COL13A1: variants seen among roughly 807,000 people sequenced by gnomAD.
COL13A1 encodes collagen type XIII alpha 1 chain.
A neutral mutation model predicts 130.9 loss-of-function variants in COL13A1; 89 were observed. The observed-to-expected ratio is 0.68, with a 90% CI of 0.57 to 0.81. The LOEUF (loss-of-function observed/expected upper bound fraction) is 0.81. COL13A1 is among the 30% of genes least tolerant of loss of function. The pLI is 0.00. For synonymous variants in COL13A1, 402 were observed against 341.6 expected (o/e 1.18, Z -1.95); for missense variants, 879 against 934.6 (o/e 0.94, Z 0.78).
At chr10:69,870,712 A>G (rs1388844015) in intron 3 of COL13A1, among the ~76,000 whole-genome samples, 1 of 152,152 alleles carries the variant, frequency 6.6e-6, no homozygotes, top group African/African-American at 2.4e-5. Flanking sequence ...TTGACAAGCT[A>G]CATAAGGAAA....
chr10:69,833,783 G>C (rs2133019610), intron 2 of COL13A1, among the ~76,000 whole-genome samples: 1 of 152,306 alleles, frequency 6.6e-6, no homozygotes, highest in South Asian at 2.1e-4. Context: ...ACCCCACTCT[G>C]GGAAATGAGG....
intron 2 of COL13A1, among the ~76,000 whole-genome samples, chr10:69,866,802 G>C (rs372421095): frequency 6.6e-6 from 1 of 152,136 alleles, no homozygotes; most frequent in East Asian, 1.9e-4. Context: ...GAAGGAAGCC[G>C]GCTCTGGGAA....
At chr10:69,863,048 G>A (rs950933102) in intron 2 of COL13A1, among the ~76,000 whole-genome samples, 4 of 152,214 alleles carry the variant, frequency 2.6e-5, no homozygotes, top group Non-Finnish European at 5.9e-5. Context: ...AAGGGCGTGC[G>A]TCCTAGGGAC....
chr10:69,816,898 C>T (rs1398895482), intron 1 of COL13A1, among the ~76,000 whole-genome samples: 1 of 152,170 alleles, frequency 6.6e-6, no homozygotes, highest in Non-Finnish European at 1.5e-5. Flanking sequence ...GATTGTCATC[C>T]AGGAGTTTTT....
intron 9 of COL13A1, 69 bp downstream of exon 9, chr10:69,888,399 T>C (rs2134563046): frequency 6.4e-7 from 1 of 1,564,772 alleles, no homozygotes; most frequent in Non-Finnish European, 8.7e-7. Flanking sequence ...TTCTGCAAGA[T>C]ATTGAATCCT....
At chr10:69,860,956 G>A (rs1857886003) in intron 2 of COL13A1, among the ~76,000 whole-genome samples, 1 of 152,224 alleles carries the variant, frequency 6.6e-6, no homozygotes, top group African/African-American at 2.4e-5. Flanking sequence ...TCGGGAAGGA[G>A]AGGAGGCTGG....
At chr10:69,849,450 C>T in intron 2 of COL13A1, among the ~76,000 whole-genome samples, 1 of 152,264 alleles carries the variant, frequency 6.6e-6, no homozygotes, top group East Asian at 1.9e-4. Context: ...CCCCTCTGCT[C>T]TGTCTCTGGG....
intron 9 of COL13A1, 85 bp from the exon 10 acceptor site, chr10:69,889,314 CAGGGAGGAGCACAGG>C: frequency 7.0e-6 from 6 of 853,228 alleles, no homozygotes; most frequent in Non-Finnish European, 9.3e-6. Context: ...GCACGGGGGG[CAGGGAGGAGCACAGG>C]GGGCAGGGAG....
At chr10:69,904,555 C>T (rs1263936379) in intron 15 of COL13A1, among the ~76,000 whole-genome samples, 1 of 152,180 alleles carries the variant, frequency 6.6e-6, no homozygotes, top group Admixed American at 6.5e-5. Flanking sequence ...AGGGCAAAAC[C>T]GAGGCTTTGC....
chr10:69,880,700 G>A, intron 7 of COL13A1, 147 bp downstream of exon 7: 1 of 774,224 alleles, frequency 1.3e-6, no homozygotes, highest in East Asian at 2.7e-5. Context: ...GCCCAGCCAG[G>A]CCTCGGGTGC....
At chr10:69,905,646 G>A (rs2062673563) in intron 16 of COL13A1, 141 bp from the exon 17 acceptor site, 2 of 863,856 alleles carry the variant, frequency 2.3e-6, no homozygotes, top group East Asian at 2.7e-5. Flanking sequence ...TTGCTCCTGG[G>A]AAGGCTGGAG....
chr10:69,802,552 G>C lies in COL13A1; in HGVS notation c.129G>C (p.Gly43=). 1 of 1,609,220 alleles carries C rather than the reference G, an allele frequency of 6.2e-7. No homozygotes were observed. The highest frequency in any genetic ancestry group is 8.5e-7 in the Non-Finnish European group (1 of 1,177,956). The change falls in exon 1 of 41, where the codon GGG becomes GGC. Residue 43 remains glycine, a synonymous_variant. Coordinates refer to ENST00000645393, the MANE Select transcript of COL13A1 (RefSeq NM_001368882.1). The part of the protein sequence containing the change: ...AERGARLPSP[G]SCGLLTLALC... The stretch of plus-strand genomic sequence containing the variant: ...GCGGCGCACGGCTGCCGAGTCCAGG[G>C]TCGTGCGGGCTGCTGACGCTGGCCC...
intron 30 of COL13A1, among the ~76,000 whole-genome samples, chr10:69,931,803 C>G (rs537223283): frequency 6.6e-6 from 1 of 152,320 alleles, no homozygotes; most frequent in South Asian, 2.1e-4. Context: ...GCAAACGTAG[C>G]GGCCTAAGAA....
At chr10:69,873,774 C>T (rs894188693) in intron 4 of COL13A1, among the ~76,000 whole-genome samples, 16 of 152,284 alleles carry the variant, frequency 1.1e-4, no homozygotes, top group East Asian at 7.7e-4. Context: ...TTGATGCTTC[C>T]GTGTGAAGGG....
intron 2 of COL13A1, among the ~76,000 whole-genome samples, chr10:69,848,204 G>A (rs1422580376): frequency 6.6e-6 from 1 of 152,210 alleles, no homozygotes; most frequent in East Asian, 1.9e-4. Flanking sequence ...GGCCGCATCT[G>A]ATCCAAGTGT....
intron 17 of COL13A1, among the ~76,000 whole-genome samples, chr10:69,912,541 C>T (rs2063493424): frequency 1.3e-5 from 2 of 151,758 alleles, no homozygotes; most frequent in African/African-American, 4.8e-5. Context: ...AGCTGTCCAC[C>T]GACCGCCCCC....
At chr10:69,856,660 G>A (rs528239911) in intron 2 of COL13A1, among the ~76,000 whole-genome samples, 37 of 152,328 alleles carry the variant, frequency 2.4e-4, no homozygotes, top group South Asian at 1.5e-3. Context: ...CGTGATGTGC[G>A]TACTGCAACC....
At chr10:69,806,425 C>G (rs1451070775) in intron 1 of COL13A1, among the ~76,000 whole-genome samples, 1 of 152,182 alleles carries the variant, frequency 6.6e-6, no homozygotes, top group Admixed American at 6.5e-5. Flanking sequence ...AGAGGCAGAT[C>G]TGAGGGGACC....
At chr10:69,875,663 A>C (rs942582492) in intron 5 of COL13A1, among the ~76,000 whole-genome samples, 1 of 152,240 alleles carries the variant, frequency 6.6e-6, no homozygotes, top group African/African-American at 2.4e-5. Context: ...CCTCACGAGG[A>C]GGCTGAGAGT....
Sources: gnomAD v4.1 joint callset for allele counts (sites outside exome capture counted in the v4.1 genomes callset) on GRCh38, gnomAD v4.1.1 for gene constraint, MANE v1.5 for transcripts, NCBI Gene and HGNC (gene_info 2026-07-23, HGNC 2026-07-21) for gene names.